Variants in ADAM32 observed in about 807,000 individuals in gnomAD.
The protein encoded by ADAM32 is ADAM metallopeptidase domain 32, also known as disintegrin and metalloproteinase domain-containing protein 32.
Under a neutral mutation model 114.9 loss-of-function variants are expected in ADAM32, and 89 were observed. That is an observed-to-expected ratio of 0.77 (90% CI 0.65 to 0.92). The LOEUF (loss-of-function observed/expected upper bound fraction) is 0.92, where lower values mean the gene tolerates loss of function less well. Among genes scored for constraint, ADAM32 ranks in the 40% least tolerant of loss-of-function variants. ADAM32 has a pLI of 0.00. For synonymous variants in ADAM32, 285 were observed against 307.5 expected (o/e 0.93, Z 0.77); for missense variants, 870 against 932.8 (o/e 0.93, Z 0.88).
At chr8:39,282,802 TCAGTAGACTC>T (rs1413626750) in intron 23 of ADAM32, among the ~76,000 whole-genome samples, 2 of 152,198 alleles carry the variant, frequency 1.3e-5, no homozygotes, top group African/African-American at 2.4e-5. Context: ...GGTGTACATT[TCAGTAGACTC>T]ATATGTCTAT....
At position 39,222,032 on chromosome 8, in the gene ADAM32, G is replaced by C. The variant is rs1283848026; in HGVS notation, c.1326+330G>C. Among the ~76,000 whole-genome samples, 4 of 151,816 alleles carry C rather than the reference G, an allele frequency of 2.6e-5. No individual in the cohort carries two copies. In the South Asian group the frequency reaches 8.3e-4, roughly 32 times the overall value. Reference sequence around the variant, plus strand: ...TTATTGTAAATAAAAACGTTTTTATGGGTTGTGAATAAGTATCTATTTATG... The same window carrying C: ...TTATTGTAAATAAAAACGTTTTTATCGGTTGTGAATAAGTATCTATTTATG... On this transcript the variant is annotated intron_variant, in intron 13 of 24. Coordinates refer to ENST00000379907, the MANE Select transcript of ADAM32 (RefSeq NM_145004.7).
chr8:39,211,911 G>T (rs958912326), intron 12 of ADAM32, among the ~76,000 whole-genome samples: 1 of 152,122 alleles, frequency 6.6e-6, no homozygotes, highest in Admixed American at 6.5e-5. Context: ...ACATCCATAG[G>T]TCTGAATTAC....
chr8:39,222,642 G>A (rs530170880), intron 13 of ADAM32, among the ~76,000 whole-genome samples: 19 of 152,078 alleles, frequency 1.2e-4, no homozygotes, highest in African/African-American at 4.1e-4. Flanking sequence ...AGTTGTCATA[G>A]AATTTTAAAG....
intron 20 of ADAM32, 136 bp downstream of exon 20, chr8:39,271,050 A>T: frequency 2.9e-6 from 2 of 688,706 alleles, no homozygotes; most frequent in Non-Finnish European, 4.8e-6. Flanking sequence ...GCTAATATAT[A>T]GTCTAATTTA....
At chr8:39,142,456 T>G (rs569613334) in intron 3 of ADAM32, among the ~76,000 whole-genome samples, 1 of 152,220 alleles carries the variant, frequency 6.6e-6, no homozygotes, top group Non-Finnish European at 1.5e-5. Flanking sequence ...TCTCCTTCAC[T>G]TATGAAGCTT....
At chr8:39,225,767 T>C (rs1809319719) in intron 14 of ADAM32, among the ~76,000 whole-genome samples, 1 of 146,554 alleles carries the variant, frequency 6.8e-6, no homozygotes, top group South Asian at 2.3e-4. Flanking sequence ...CTAACAGCCT[T>C]TTTCCCACCC....
intron 2 of ADAM32, chr8:39,130,859 G>C (rs554406619): frequency 2.2e-6 from 1 of 456,814 alleles, no homozygotes; most frequent in East Asian, 7.0e-5. Context: ...GAATTCTGCA[G>C]TTGTTGGGTT....
intron 3 of ADAM32, among the ~76,000 whole-genome samples, chr8:39,138,309 G>T (rs866455991): frequency 6.6e-6 from 1 of 152,078 alleles, no homozygotes; most frequent in African/African-American, 2.4e-5. Context: ...TTCTCCTAAA[G>T]CTATCCCTCC....
intron 10 of ADAM32, among the ~76,000 whole-genome samples, chr8:39,183,550 A>G (rs1806045147): frequency 6.6e-6 from 1 of 152,090 alleles, no homozygotes; most frequent in South Asian, 2.1e-4. Context: ...TTCCCATCCC[A>G]TCTTTCCTCA....
At chr8:39,127,619 C>T (rs1802193450) in intron 2 of ADAM32, among the ~76,000 whole-genome samples, 1 of 151,642 alleles carries the variant, frequency 6.6e-6, no homozygotes, top group Non-Finnish European at 1.5e-5. Context: ...TTTTTTTCCC[C>T]AAAAACCAGC....
Position 39,118,182 on chromosome 8 carries a change from C to T in ADAM32, c.138+17C>T. On this transcript the variant is annotated intron_variant, in intron 2 of 24. Transcript: ENST00000379907. ...ATAGAATATGTAAGAGATATTTTTT[C>T]ACAATCTAAATGTTTATATGAAATT... The T allele has an allele frequency of 7.4e-7, 1 of 1,343,874 alleles. No individual in the cohort carries two copies. Among genetic ancestry groups the T allele is most frequent in the East Asian group, 2.8e-5 (1 of 35,288 alleles). The allele number at this position is 1,343,874 out of a possible 1,614,324, so 83.2% of individuals were successfully genotyped here.
chr8:39,241,627 G>T (rs1031428757), intron 16 of ADAM32, among the ~76,000 whole-genome samples: 1 of 152,160 alleles, frequency 6.6e-6, no homozygotes, highest in Non-Finnish European at 1.5e-5. Context: ...GCTGTACCTT[G>T]GTCCCTTTCA....
At position 39,270,910 on chromosome 8, in the gene ADAM32, A is replaced by G. The variant is rs1423566222; in HGVS notation, c.2197A>G (p.Ser733Gly). The change falls in exon 20 of 25, where the codon AGC becomes GGC. Residue 733 changes from serine to glycine, a missense_variant. Coordinates refer to ENST00000379907, the MANE Select transcript of ADAM32 (RefSeq NM_145004.7). Reference sequence around the variant, plus strand: ...GGAAGGTAGCACACAGACATATGCCAGCCAGTAAGTAGTTTAGAAGGTGTT... The same window carrying G: ...GGAAGGTAGCACACAGACATATGCCGGCCAGTAAGTAGTTTAGAAGGTGTT... ...KSEGSTQTYA[S>G]QSSSEGSTQT... The G allele has an allele frequency of 1.2e-6, 2 of 1,609,454 alleles. No individual in the cohort carries two copies. The highest frequency in any genetic ancestry group is 1.7e-5 in the Admixed American group (1 of 59,504).
intron 12 of ADAM32, among the ~76,000 whole-genome samples, chr8:39,216,491 TCCTTC>T (rs1177299894): frequency 1.3e-5 from 2 of 151,948 alleles, no homozygotes; most frequent in African/African-American, 4.8e-5. Flanking sequence ...CTCTTTCCTT[TCCTTC>T]CCTTCCCTTT....
At chr8:39,149,922 G>A in intron 5 of ADAM32, 55 bp downstream of exon 5, 3 of 1,440,762 alleles carry the variant, frequency 2.1e-6, no homozygotes, top group Non-Finnish European at 2.9e-6. Flanking sequence ...TGGCTGCAGT[G>A]AATTTGTTCT....
At chr8:39,267,754 C>T (rs1230408915) in intron 19 of ADAM32, among the ~76,000 whole-genome samples, 3 of 152,180 alleles carry the variant, frequency 2.0e-5, no homozygotes, top group Non-Finnish European at 2.9e-5. Flanking sequence ...TGGAGTTGGA[C>T]TGCACAATCT....
chr8:39,209,633 C>A (rs1808080551), intron 11 of ADAM32, among the ~76,000 whole-genome samples: 1 of 152,130 alleles, frequency 6.6e-6, no homozygotes, highest in Non-Finnish European at 1.5e-5. Flanking sequence ...TACAGAAATT[C>A]CAAGAGTACT....
chr8:39,111,203 T>C (rs539142359), intron 1 of ADAM32, among the ~76,000 whole-genome samples: 42 of 152,270 alleles, frequency 2.8e-4, no homozygotes, highest in African/African-American at 1.0e-3. Context: ...CTAGGAACCT[T>C]CATGTACCAG....
Position 39,124,203 on chromosome 8 carries a change from G to T in ADAM32, c.138+6038G>T, listed in dbSNP as rs114670012. Among the ~76,000 whole-genome samples, 301 of 152,030 alleles carry T rather than the reference G, an allele frequency of 2.0e-3. 1 individual carries two copies. The highest frequency in any genetic ancestry group is 6.5e-3 in the African/African-American group (269 of 41,458). Reference sequence around the variant, plus strand: ...CCCCAGCTCTCTGACAGGGCCCATTGTGTGTTTTTCCCCACTATGCGTCCA... The same window carrying T: ...CCCCAGCTCTCTGACAGGGCCCATTTTGTGTTTTTCCCCACTATGCGTCCA... On this transcript the variant is annotated intron_variant, in intron 2 of 24. Transcript: ENST00000379907.
Sources: allele counts gnomAD v4.1 joint callset (sites outside exome capture counted in the v4.1 genomes callset), GRCh38; gene constraint gnomAD v4.1.1; transcripts MANE v1.5; gene names NCBI Gene and HGNC (gene_info 2026-07-23, HGNC 2026-07-21).